The following NOS1AP variants were observed in gnomAD, a reference collection of about 807,000 sequenced individuals.
NOS1AP encodes the protein carboxyl-terminal PDZ ligand of neuronal nitric oxide synthase protein.
NOS1AP carries 21 observed loss-of-function variants against 56.2 expected under a neutral mutation model. That is an observed-to-expected ratio of 0.37 (90% confidence interval 0.26 to 0.54). The LOEUF is 0.54. NOS1AP is among the 20% of genes least tolerant of loss of function. The probability of loss-of-function intolerance (pLI) is 0.84; values close to 1 mark genes in which losing one functional copy is unlikely to be tolerated. For synonymous variants in NOS1AP, 270 were observed against 274.6 expected (o/e 0.98, Z 0.17); for missense variants, 522 against 657.8 (o/e 0.79, Z 2.26).
At chr1:162,293,063 G>A (rs531016441) in intron 3 of NOS1AP, among the ~76,000 whole-genome samples, 1 of 152,208 alleles carries the variant, frequency 6.6e-6, no homozygotes, top group South Asian at 2.1e-4. Context: ...AGGCCTATTA[G>A]GAATTGTGCA....
At chr1:162,326,381 A>G (rs1055746987) in intron 4 of NOS1AP, among the ~76,000 whole-genome samples, 1 of 152,230 alleles carries the variant, frequency 6.6e-6, no homozygotes, top group Non-Finnish European at 1.5e-5. Flanking sequence ...TAGAGGTAGA[A>G]TGCTAATACC....
intron 2 of NOS1AP, among the ~76,000 whole-genome samples, chr1:162,214,177 C>T (rs1652464559): frequency 6.6e-6 from 1 of 152,182 alleles, no homozygotes; most frequent in African/African-American, 2.4e-5. Flanking sequence ...ACCAGAGTTC[C>T]TTTTCCTATG....
intron 2 of NOS1AP, among the ~76,000 whole-genome samples, chr1:162,154,756 T>C (rs1255591165): frequency 6.6e-6 from 1 of 152,202 alleles, no homozygotes; most frequent in Non-Finnish European, 1.5e-5. Context: ...TGATGTGTGG[T>C]GACTGGCCAG....
chr1:162,351,658 A>C (rs1186535740), intron 6 of NOS1AP, among the ~76,000 whole-genome samples: 1 of 152,118 alleles, frequency 6.6e-6, no homozygotes, highest in African/African-American at 2.4e-5. Flanking sequence ...TCCTCGCCCA[A>C]CTGCAGATAG....
chr1:162,170,051 C>CTCAG (rs1254107631), intron 2 of NOS1AP, among the ~76,000 whole-genome samples: 1 of 152,200 alleles, frequency 6.6e-6, no homozygotes, highest in African/African-American at 2.4e-5. Flanking sequence ...CCCCTTTGAA[C>CTCAG]TCAGACACCC....
intron 2 of NOS1AP, among the ~76,000 whole-genome samples, chr1:162,227,163 T>C (rs1652972416): frequency 6.6e-6 from 1 of 152,230 alleles, no homozygotes; most frequent in Admixed American, 6.5e-5. Context: ...TTAACATTCA[T>C]AGAGTAGATT....
chr1:162,257,979 T>C (rs997989083), intron 2 of NOS1AP, among the ~76,000 whole-genome samples: 2 of 152,222 alleles, frequency 1.3e-5, no homozygotes, highest in African/African-American at 4.8e-5. Context: ...CTTTGCTTTT[T>C]TTTTTATTTT....
chr1:162,237,148 CTT>C, intron 2 of NOS1AP, among the ~76,000 whole-genome samples: 1 of 152,194 alleles, frequency 6.6e-6, no homozygotes, highest in Admixed American at 6.5e-5. Flanking sequence ...TTAATCAAGT[CTT>C]TTCAAGAGCT....
At chr1:162,354,214 A>G (rs927196983) in intron 6 of NOS1AP, among the ~76,000 whole-genome samples, 50 of 152,348 alleles carry the variant, frequency 3.3e-4, no homozygotes, top group Middle Eastern at 3.4e-3. Flanking sequence ...CTCCTGCTTT[A>G]CATCCACCTG....
intron 1 of NOS1AP, among the ~76,000 whole-genome samples, chr1:162,133,309 A>G (rs532516356): frequency 9.9e-5 from 15 of 152,194 alleles, no homozygotes; most frequent in Non-Finnish European, 1.9e-4. Context: ...ATCTTAACAA[A>G]TGTTTTGTCA....
intron 1 of NOS1AP, among the ~76,000 whole-genome samples, chr1:162,129,616 T>C (rs894612797): frequency 6.6e-6 from 1 of 152,108 alleles, no homozygotes; most frequent in Admixed American, 6.6e-5. Context: ...CTGGTCTTCA[T>C]GAGAATGTGA....
intron 4 of NOS1AP, among the ~76,000 whole-genome samples, chr1:162,323,611 A>T (rs1273987327): frequency 3.3e-5 from 5 of 152,234 alleles, no homozygotes; most frequent in African/African-American, 1.2e-4. Context: ...AACACACAAT[A>T]GATTAGCAAA....
At chr1:162,144,061 C>T (rs1331826422) in intron 1 of NOS1AP, among the ~76,000 whole-genome samples, 1 of 152,290 alleles carries the variant, frequency 6.6e-6, no homozygotes, top group African/African-American at 2.4e-5. Context: ...AATTCCATTC[C>T]CAAAGTCATT....
At chr1:162,073,158 CCTCATTTAATT>C (rs1197411697) in intron 1 of NOS1AP, among the ~76,000 whole-genome samples, 2 of 152,132 alleles carry the variant, frequency 1.3e-5, no homozygotes, top group African/African-American at 2.4e-5. Flanking sequence ...ACCTGCAGTA[CCTCATTTAATT>C]CTCACTACTT....
At chr1:162,211,205 T>G (rs919572106) in intron 2 of NOS1AP, among the ~76,000 whole-genome samples, 9 of 152,170 alleles carry the variant, frequency 5.9e-5, no homozygotes, top group African/African-American at 1.9e-4. Flanking sequence ...TATCACAGGC[T>G]AGGTGGATTG....
At chr1:162,101,389 T>C (rs1265409377) in intron 1 of NOS1AP, among the ~76,000 whole-genome samples, 2 of 152,198 alleles carry the variant, frequency 1.3e-5, no homozygotes, top group African/African-American at 4.8e-5. Context: ...CTTGTTATTG[T>C]TGTTTAGGAT....
chr1:162,122,180 TG>T (rs1393432868), intron 1 of NOS1AP, among the ~76,000 whole-genome samples: 1 of 152,234 alleles, frequency 6.6e-6, no homozygotes, highest in Non-Finnish European at 1.5e-5. Flanking sequence ...GCAAGACACG[TG>T]ATCTGTTGTT....
chr1:162,363,672 T>C lies in NOS1AP; in HGVS notation c.940-1732T>C, dbSNP rs553731618. 15 of 544,228 alleles carry C rather than the reference T, an allele frequency of 2.8e-5. No individual in the cohort carries two copies. In the African/African-American group the frequency reaches 2.9e-4, roughly 10 times the overall value. The allele number at this position is 544,228 out of a possible 1,614,324, so 33.7% of individuals were successfully genotyped here. On this transcript the variant is annotated intron_variant, in intron 8 of 9. Coordinates refer to ENST00000361897, the MANE Select transcript of NOS1AP (RefSeq NM_014697.3). ...CCAACCACTAATCATCTAATAAGCA[T>C]ACAAAAAACACTCTTACCACTCTGG...
At chr1:162,281,767 G>T (rs1365312421) in intron 2 of NOS1AP, among the ~76,000 whole-genome samples, 1 of 152,208 alleles carries the variant, frequency 6.6e-6, no homozygotes, top group Non-Finnish European at 1.5e-5. Context: ...AAATGTGTTT[G>T]TTACATGGTG....
Sources: gnomAD v4.1 joint callset for allele counts (sites outside exome capture counted in the v4.1 genomes callset) on GRCh38, gnomAD v4.1.1 for gene constraint, MANE v1.5 for transcripts, NCBI Gene and HGNC (gene_info 2026-07-23, HGNC 2026-07-21) for gene names.